TNFSF4: variants seen among roughly 807,000 people sequenced by gnomAD.
TNFSF4 encodes tumor necrosis factor ligand superfamily member 4.
A neutral mutation model predicts 7.3 loss-of-function variants in TNFSF4; 4 were observed. The ratio of observed to expected loss-of-function variants is 0.55; its 90% confidence interval spans 0.27 to 1.25. TNFSF4 has a LOEUF of 1.25. Among genes scored for constraint, TNFSF4 ranks in the 50% most tolerant of loss-of-function variants. The probability of loss-of-function intolerance (pLI) is 0.12; values close to 1 mark genes in which losing one functional copy is unlikely to be tolerated. For synonymous variants in TNFSF4, 76 were observed against 83.7 expected, an observed-to-expected ratio of 0.91 and a Z score of 0.50; for missense variants, 181 against 208.8, an observed-to-expected ratio of 0.87 and a Z score of 0.82.
At chr1:173,334,644 G>C in the TNFSF4 span, among the ~76,000 whole-genome samples, 3 of 152,156 alleles carry the variant, frequency 2.0e-5, no homozygotes, top group African/African-American at 7.2e-5. Flanking sequence ...AGTTGGAATG[G>C]GGATGTGTGA....
intron 1 of TNFSF4, among the ~76,000 whole-genome samples, chr1:173,189,413 A>G (rs1231223159): frequency 6.6e-6 from 1 of 152,160 alleles, no homozygotes; most frequent in Non-Finnish European, 1.5e-5. Context: ...AAAGGCAATA[A>G]AAACTGTCCC....
the TNFSF4 span, among the ~76,000 whole-genome samples, chr1:173,311,146 A>T: frequency 6.6e-6 from 1 of 151,954 alleles, no homozygotes; most frequent in Non-Finnish European, 1.5e-5. Context: ...AATATTTGTT[A>T]TCTCATTGTC....
rs769196898 is a variant in TNFSF4, at chr1:173,207,161, G to T, written c.16C>A (p.Pro6Thr). 1.9e-6 allele frequency: 3 copies of T among 1,612,764 alleles called. No homozygotes were observed. The highest frequency in any genetic ancestry group is 2.5e-6 in the Non-Finnish European group (3 of 1,178,968). The change falls in exon 1 of 3, where the codon CCC (proline) becomes ACC (threonine). Residue 6 changes from proline to threonine, a missense_variant. Pro to Thr is a conservative substitution (Grantham distance 38, BLOSUM62 -1). Coordinates refer to ENST00000281834, the MANE Select transcript of TNFSF4 (RefSeq NM_003326.5). The stretch of plus-strand genomic sequence containing the variant: ...GCATTTCCCACATTCTCTTCCAGGG[G>T]TTGGACCCTTTCCATCTTCACAATC... The part of the protein sequence containing the change: MERVQ[P>T]LEENVGNAAR...
chr1:173,322,744 G>C, the TNFSF4 span, among the ~76,000 whole-genome samples: 3 of 152,184 alleles, frequency 2.0e-5, no homozygotes, highest in Non-Finnish European at 4.4e-5. Flanking sequence ...ATTAAATCCT[G>C]CACCTGGCTC....
At chr1:173,341,604 G>A in the TNFSF4 span, among the ~76,000 whole-genome samples, 10 of 152,128 alleles carry the variant, frequency 6.6e-5, no homozygotes, top group South Asian at 2.1e-4. Context: ...AAGAAAGTTC[G>A]TGAGCATTTC....
chr1:173,256,484 A>G, the TNFSF4 span, among the ~76,000 whole-genome samples: 1 of 152,104 alleles, frequency 6.6e-6, no homozygotes, highest in African/African-American at 2.4e-5. Context: ...TACCCCTAAA[A>G]GTCCCATCTC....
At chr1:173,190,866 A>G (rs926813583) in intron 1 of TNFSF4, among the ~76,000 whole-genome samples, 1 of 152,246 alleles carries the variant, frequency 6.6e-6, no homozygotes, top group African/African-American at 2.4e-5. Context: ...TGCCAACTTA[A>G]GCAAGTTTCA....
the TNFSF4 span, among the ~76,000 whole-genome samples, chr1:173,225,194 A>G: frequency 6.6e-6 from 1 of 152,208 alleles, no homozygotes; most frequent in African/African-American, 2.4e-5. Flanking sequence ...ATGTTTACAG[A>G]AGACCTTCTC....
chr1:173,247,620 C>T, the TNFSF4 span, among the ~76,000 whole-genome samples: 1 of 152,078 alleles, frequency 6.6e-6, no homozygotes, highest in Non-Finnish European at 1.5e-5. Flanking sequence ...CCCAGTTTGG[C>T]ATTTTTTATT....
the TNFSF4 span, among the ~76,000 whole-genome samples, chr1:173,382,896 AC>A: frequency 5.3e-5 from 8 of 151,908 alleles, no homozygotes; most frequent in South Asian, 2.1e-4. Context: ...ACACACACAC[AC>A]ACACACACAC....
At chr1:173,327,905 G>A in the TNFSF4 span, among the ~76,000 whole-genome samples, 43,030 of 151,586 alleles carry the variant, frequency 0.28, 6,469 homozygotes, top group Non-Finnish European at 0.33. Context: ...CATTGTTGGT[G>A]GGACTGTAAA....
At chr1:173,326,463 G>A in the TNFSF4 span, among the ~76,000 whole-genome samples, 122 of 152,256 alleles carry the variant, frequency 8.0e-4, no homozygotes, top group African/African-American at 2.8e-3. Flanking sequence ...GCACAAGACA[G>A]GGATGCCCTC....
the TNFSF4 span, among the ~76,000 whole-genome samples, chr1:173,225,186 G>A: frequency 2.8e-4 from 43 of 152,288 alleles, no homozygotes; most frequent in African/African-American, 1.0e-3. Flanking sequence ...TAGTTTGAAT[G>A]TTTACAGAAG....
the TNFSF4 span, among the ~76,000 whole-genome samples, chr1:173,270,020 T>C: frequency 4.7e-4 from 72 of 152,226 alleles, no homozygotes; most frequent in African/African-American, 5.3e-4. Flanking sequence ...ACTGTGAGAA[T>C]ACTCTGAAAG....
the TNFSF4 span, among the ~76,000 whole-genome samples, chr1:173,390,678 G>A: frequency 2.1e-4 from 32 of 150,758 alleles, no homozygotes; most frequent in Admixed American, 1.9e-3. Flanking sequence ...GTAAGCAAGT[G>A]GAAAGACAGA....
chr1:173,279,251 A>G, the TNFSF4 span, among the ~76,000 whole-genome samples: 1 of 152,050 alleles, frequency 6.6e-6, no homozygotes, highest in Admixed American at 6.6e-5. Context: ...TGTGACATTA[A>G]ATGCTCTTGT....
At chr1:173,272,144 C>G in the TNFSF4 span, among the ~76,000 whole-genome samples, 1 of 152,102 alleles carries the variant, frequency 6.6e-6, no homozygotes, top group African/African-American at 2.4e-5. Flanking sequence ...GGGAATTGAA[C>G]AATGAGAACA....
the TNFSF4 span, among the ~76,000 whole-genome samples, chr1:173,349,781 C>CT: frequency 2.0e-5 from 3 of 152,132 alleles, no homozygotes; most frequent in Admixed American, 6.5e-5. Flanking sequence ...GCCAAAAACT[C>CT]TTTATAGATT....
chr1:173,255,806 T>C, the TNFSF4 span, among the ~76,000 whole-genome samples: 1 of 152,248 alleles, frequency 6.6e-6, no homozygotes, highest in East Asian at 1.9e-4. Context: ...ACAATCTGTC[T>C]GTTTTTATCT....
Sources: gnomAD v4.1 joint callset for allele counts (sites outside exome capture counted in the v4.1 genomes callset) on GRCh38, gnomAD v4.1.1 for gene constraint, MANE v1.5 for transcripts, NCBI Gene and HGNC (gene_info 2026-07-23, HGNC 2026-07-21) for gene names.